TMEM117: variants seen among roughly 807,000 people sequenced by gnomAD.
TMEM117 encodes the protein transmembrane protein 117.
In TMEM117, 27 loss-of-function variants were observed where a neutral mutation model predicts 52.4. The ratio of observed to expected loss-of-function variants is 0.51; its 90% CI spans 0.38 to 0.71. TMEM117 has a LOEUF of 0.71. TMEM117 is among the 30% of genes least tolerant of loss of function. The pLI, the probability that TMEM117 is intolerant of heterozygous loss-of-function variation, is 0.00. For missense variants in TMEM117, 556 were observed against 630.5 expected (o/e 0.88, Z 1.26); for synonymous variants, 215 against 206.3 (o/e 1.04, Z -0.36).
chr12:44,366,143 T>C (rs1434905294), intron 6 of TMEM117, among the ~76,000 whole-genome samples: 1 of 152,066 alleles, frequency 6.6e-6, no homozygotes, highest in African/African-American at 2.4e-5. Flanking sequence ...CTTGAGTGTA[T>C]CATTGGGAAC....
At chr12:43,970,957 A>G (rs1945575130) in intron 3 of TMEM117, among the ~76,000 whole-genome samples, 1 of 152,152 alleles carries the variant, frequency 6.6e-6, no homozygotes, top group African/African-American at 2.4e-5. Flanking sequence ...GAATATGTCA[A>G]CGGTATTCAA....
At chr12:44,224,399 A>G (rs1242602748) in intron 5 of TMEM117, among the ~76,000 whole-genome samples, 2 of 152,162 alleles carry the variant, frequency 1.3e-5, no homozygotes, top group African/African-American at 4.8e-5. Context: ...CTGCAGATTC[A>G]TTGATGACTC....
intron 6 of TMEM117, among the ~76,000 whole-genome samples, chr12:44,365,315 A>G (rs1951775562): frequency 6.6e-6 from 1 of 151,984 alleles, no homozygotes; most frequent in Non-Finnish European, 1.5e-5. Flanking sequence ...ATATTATTTC[A>G]AGATCAGCTG....
intron 3 of TMEM117, among the ~76,000 whole-genome samples, chr12:43,980,041 C>T (rs904521403): frequency 1.3e-5 from 2 of 152,178 alleles, no homozygotes; most frequent in African/African-American, 4.8e-5. Context: ...TCTTGTATTA[C>T]TGGGCAGGCT....
intron 2 of TMEM117, among the ~76,000 whole-genome samples, chr12:43,908,450 A>G (rs1435199954): frequency 7.2e-6 from 1 of 138,176 alleles, no homozygotes; most frequent in African/African-American, 2.5e-5. Flanking sequence ...AATGAGCAAA[A>G]TCACCAGCTA....
chr12:44,040,094 A>G (rs1386607763), intron 3 of TMEM117, among the ~76,000 whole-genome samples: 6 of 152,186 alleles, frequency 3.9e-5, no homozygotes. Flanking sequence ...TTCTCCTACC[A>G]TGGCCAATAT....
intron 5 of TMEM117, among the ~76,000 whole-genome samples, chr12:44,278,131 A>G (rs1246983603): frequency 6.6e-6 from 1 of 152,080 alleles, no homozygotes; most frequent in African/African-American, 2.4e-5. Context: ...CTTTTGATGA[A>G]CCCAAGGTTA....
rs146726031 is a variant in TMEM117, at chr12:44,151,502, C to G, written c.510+7878C>G. 2.4e-3 allele frequency among the ~76,000 whole-genome samples: 350 copies of G among 144,768 alleles called. 1 individual carries two copies. Among genetic ancestry groups the G allele is most frequent in the African/African-American group, 8.4e-3 (326 of 38,848 alleles). 95.0% of individuals were successfully genotyped at this position (144,768 alleles called of 152,430 possible). A position where few individuals can be genotyped will look rare whatever the true frequency, so the allele number is the denominator to read the frequency against. On this transcript the variant is annotated intron_variant, in intron 4 of 7. Transcript: ENST00000266534. The stretch of plus-strand genomic sequence containing the variant: ...TTAGGTATATCTCCTAATGCTATCC[C>G]TCCGCCCTCCCCCCACCCCACAACA...
chr12:43,817,389 T>C, the TMEM117 span, among the ~76,000 whole-genome samples: 5 of 152,338 alleles, frequency 3.3e-5, no homozygotes, highest in East Asian at 9.6e-4. Flanking sequence ...ATTATATGAT[T>C]GAAAAGAATA....
intron 2 of TMEM117, among the ~76,000 whole-genome samples, chr12:43,849,667 G>A (rs1299082828): frequency 1.3e-5 from 2 of 151,714 alleles, no homozygotes; most frequent in Non-Finnish European, 2.9e-5. Flanking sequence ...ATTATATGAT[G>A]TAGTCAGCTT....
chr12:43,985,135 G>A (rs922406535), intron 3 of TMEM117, among the ~76,000 whole-genome samples: 6 of 152,112 alleles, frequency 3.9e-5, no homozygotes, highest in Admixed American at 6.6e-5. Context: ...GAGGTCAAAC[G>A]GTTGCTTGAA....
chr12:43,831,354 T>A (rs923380769), upstream of TMEM117, among the ~76,000 whole-genome samples: 4 of 152,190 alleles, frequency 2.6e-5, no homozygotes, highest in African/African-American at 4.8e-5. Context: ...TACTTTCCCC[T>A]GGCTTTCAAA....
At chr12:43,925,303 T>A (rs887475158) in intron 2 of TMEM117, among the ~76,000 whole-genome samples, 13 of 26,942 alleles carry the variant, frequency 4.8e-4, no homozygotes, top group Admixed American at 3.9e-3. Flanking sequence ...CAAAAAAAAT[T>A]TTTTTTTTTT....
At chr12:43,939,640 A>T (rs552370026) in intron 2 of TMEM117, among the ~76,000 whole-genome samples, 1 of 152,150 alleles carries the variant, frequency 6.6e-6, no homozygotes, top group African/African-American at 2.4e-5. Context: ...GACTCAGACT[A>T]AGGTGCCTGG....
the TMEM117 span, among the ~76,000 whole-genome samples, chr12:43,827,972 G>C: frequency 6.6e-6 from 1 of 152,162 alleles, no homozygotes; most frequent in Non-Finnish European, 1.5e-5. Flanking sequence ...GCAAGTCAAG[G>C]AATACCAGGA....
chr12:44,218,894 A>G (rs574379111), intron 5 of TMEM117, among the ~76,000 whole-genome samples: 1 of 152,336 alleles, frequency 6.6e-6, no homozygotes, highest in South Asian at 2.1e-4. Context: ...TGTATTTTAA[A>G]GACAAAAATC....
intron 2 of TMEM117, among the ~76,000 whole-genome samples, chr12:43,929,443 T>C (rs1944837047): frequency 6.6e-6 from 1 of 152,188 alleles, no homozygotes; most frequent in Non-Finnish European, 1.5e-5. Context: ...AAGAACCTTA[T>C]AGCACTTAAC....
intron 4 of TMEM117, among the ~76,000 whole-genome samples, chr12:44,162,564 C>G (rs1313246741): frequency 6.6e-6 from 1 of 152,148 alleles, no homozygotes; most frequent in Non-Finnish European, 1.5e-5. Context: ...CAAAACCTAA[C>G]GCTTTTACAA....
At chr12:44,094,932 C>T (rs968233361) in intron 3 of TMEM117, among the ~76,000 whole-genome samples, 1 of 152,056 alleles carries the variant, frequency 6.6e-6, no homozygotes, top group African/African-American at 2.4e-5. Flanking sequence ...AAGTATTTGG[C>T]ATTGTTTCAT....
Sources: gnomAD v4.1 joint callset for allele counts (sites outside exome capture counted in the v4.1 genomes callset) on GRCh38, gnomAD v4.1.1 for gene constraint, MANE v1.5 for transcripts, NCBI Gene and HGNC (gene_info 2026-07-23, HGNC 2026-07-21) for gene names.